Variants in GFOD1 observed in about 807,000 individuals in gnomAD.
GFOD1 encodes the protein Gfo/Idh/MocA-like oxidoreductase domain containing 1.
Under a neutral mutation model 25.4 loss-of-function variants are expected in GFOD1, and 9 were observed. The ratio of observed to expected loss-of-function variants is 0.35; its 90% CI spans 0.21 to 0.62. The LOEUF is 0.62. Ranked by LOEUF, GFOD1 falls within the 20% of genes least tolerant of loss-of-function variation. The pLI is 0.72. For synonymous variants in GFOD1, 253 were observed against 245.6 expected, an observed-to-expected ratio of 1.03 and a Z score of -0.28; for missense variants, 403 against 556.9, an observed-to-expected ratio of 0.72 and a Z score of 2.78.
chr6:13,389,096 T>C (rs1562201778), intron 1 of GFOD1, among the ~76,000 whole-genome samples: 1 of 152,164 alleles, frequency 6.6e-6, no homozygotes, highest in Non-Finnish European at 1.5e-5. Context: ...ATGGCGATCA[T>C]TAAAAAGTCA....
At chr6:13,480,541 G>A (rs1045680187) in intron 1 of GFOD1, among the ~76,000 whole-genome samples, 2 of 152,122 alleles carry the variant, frequency 1.3e-5, no homozygotes, top group East Asian at 1.9e-4. Context: ...TTGAGGCAGG[G>A]TCTCACTCTG....
Position 13,400,512 on chromosome 6 carries a change from T to A in GFOD1, c.254-34850A>T, listed in dbSNP as rs547331622. Reference sequence around the variant, plus strand: ...TTAGCAGGGATCAGGAAAATGCTGATACAAGACCAGGTAGAACCTCCGTTT... The same window carrying A: ...TTAGCAGGGATCAGGAAAATGCTGAAACAAGACCAGGTAGAACCTCCGTTT... On this transcript the variant is annotated intron_variant, in intron 1 of 1. Transcript: ENST00000379287. Among the ~76,000 whole-genome samples, 13 of 152,352 alleles carry A rather than the reference T, an allele frequency of 8.5e-5. No homozygotes were observed. In the South Asian group the frequency reaches 2.1e-3, roughly 24 times the overall value.
At chr6:13,485,325 A>G (rs548482223) in intron 1 of GFOD1, among the ~76,000 whole-genome samples, 1 of 152,354 alleles carries the variant, frequency 6.6e-6, no homozygotes, top group African/African-American at 2.4e-5. Flanking sequence ...CTGAATCCAT[A>G]CCTATTTTTA....
rs1403964058 is a variant in GFOD1 at position 13,358,099 on chromosome 6, G to C, written c.*6644C>G. The C allele has an allele frequency of 6.6e-6, 1 of 152,280 alleles. No homozygotes were observed. Among genetic ancestry groups the C allele is most frequent in the East Asian group, 1.9e-4 (1 of 5,184 alleles). 9.4% of individuals were successfully genotyped at this position (152,280 alleles called of 1,614,324 possible). A position where few individuals can be genotyped will look rare whatever the true frequency, so the allele number is the denominator to read the frequency against. On this transcript the variant is annotated 3_prime_UTR_variant, in exon 2 of 2. Coordinates refer to ENST00000379287, the MANE Select transcript of GFOD1 (RefSeq NM_018988.4). ...TTTGGCCTTAAAAACACTAAGAACA[G>C]TTGCATTCATTGTCTTTTTTTTTCT... is the stretch of plus-strand genomic sequence containing the variant.
chr6:13,474,928 A>G (rs1474312886), intron 1 of GFOD1, among the ~76,000 whole-genome samples: 2 of 152,198 alleles, frequency 1.3e-5, no homozygotes, highest in African/African-American at 4.8e-5. Context: ...AATACTTGGC[A>G]AAACTAATTT....
At chr6:13,367,582 C>G (rs1006842035) in intron 1 of GFOD1, among the ~76,000 whole-genome samples, 2 of 151,964 alleles carry the variant, frequency 1.3e-5, no homozygotes, top group Non-Finnish European at 2.9e-5. Context: ...ACACAGAGAC[C>G]AAAATGCCTC....
intron 1 of GFOD1, among the ~76,000 whole-genome samples, chr6:13,379,330 G>A (rs1430025357): frequency 6.6e-6 from 1 of 152,186 alleles, no homozygotes; most frequent in Non-Finnish European, 1.5e-5. Flanking sequence ...AGGCACGCCA[G>A]CTGTTTGCTT....
intron 1 of GFOD1, among the ~76,000 whole-genome samples, chr6:13,438,465 A>C (rs1190189543): frequency 6.6e-6 from 1 of 152,184 alleles, no homozygotes; most frequent in East Asian, 1.9e-4. Context: ...CCTCACAGAA[A>C]ATTCAGTACC....
intron 1 of GFOD1, among the ~76,000 whole-genome samples, chr6:13,379,196 G>T (rs1785312125): frequency 6.6e-6 from 1 of 152,162 alleles, no homozygotes; most frequent in Admixed American, 6.5e-5. Context: ...TTGTGTGTTT[G>T]GGGGAGGAAA....
chr6:13,420,347 C>A (rs114944074), intron 1 of GFOD1, among the ~76,000 whole-genome samples: 1 of 152,186 alleles, frequency 6.6e-6, no homozygotes, highest in African/African-American at 2.4e-5. Flanking sequence ...GAACAGCAGT[C>A]GAATTCTGGC....
chr6:13,397,102 C>G (rs915625560), intron 1 of GFOD1, among the ~76,000 whole-genome samples: 7 of 152,096 alleles, frequency 4.6e-5, no homozygotes, highest in Admixed American at 4.6e-4. Context: ...CAAGAGCACC[C>G]AGAACCTTTG....
intron 1 of GFOD1, among the ~76,000 whole-genome samples, chr6:13,434,768 A>C (rs1476096950): frequency 6.6e-6 from 1 of 152,358 alleles, no homozygotes; most frequent in Middle Eastern, 3.4e-3. Context: ...GAAGACAGTA[A>C]ATAGAAGCAT....
At chr6:13,444,489 T>C (rs1381974351) in intron 1 of GFOD1, among the ~76,000 whole-genome samples, 1 of 151,812 alleles carries the variant, frequency 6.6e-6, no homozygotes, top group Non-Finnish European at 1.5e-5. Flanking sequence ...CTAACAAATA[T>C]ACACATGCTC....
chr6:13,401,926 G>T (rs1562206883), intron 1 of GFOD1, among the ~76,000 whole-genome samples: 2 of 152,292 alleles, frequency 1.3e-5, no homozygotes, highest in South Asian at 4.1e-4. Context: ...AGCACTTCAT[G>T]ATTTCAAAAC....
At chr6:13,380,640 C>T (rs1468158619) in intron 1 of GFOD1, among the ~76,000 whole-genome samples, 1 of 152,060 alleles carries the variant, frequency 6.6e-6, no homozygotes, top group Non-Finnish European at 1.5e-5. Flanking sequence ...TAGAGGTTGC[C>T]TGAGCACTTA....
intron 1 of GFOD1, among the ~76,000 whole-genome samples, chr6:13,477,215 G>GT (rs772781291): frequency 0.79 from 110,914 of 139,774 alleles, 42,727 homozygotes; most frequent in East Asian, 0.89. Flanking sequence ...AACCAATAGG[G>GT]GGTGTGTGTG....
chr6:13,472,414 G>C (rs1208108925), intron 1 of GFOD1, among the ~76,000 whole-genome samples: 2 of 152,194 alleles, frequency 1.3e-5, no homozygotes, highest in Admixed American at 1.3e-4. Flanking sequence ...ATGGACCGTA[G>C]TTCACCATAA....
At chr6:13,373,317 C>A (rs1458694296) in intron 1 of GFOD1, among the ~76,000 whole-genome samples, 1 of 152,114 alleles carries the variant, frequency 6.6e-6, no homozygotes, top group East Asian at 1.9e-4. Flanking sequence ...CTTGCCTATT[C>A]ATCATTCAGA....
At chr6:13,381,581 C>T (rs1039117759) in intron 1 of GFOD1, among the ~76,000 whole-genome samples, 3 of 152,212 alleles carry the variant, frequency 2.0e-5, no homozygotes, top group Admixed American at 6.5e-5. Flanking sequence ...TGGAACAAGT[C>T]TGGCCTGGGG....
Sources: gnomAD v4.1 joint callset for allele counts (sites outside exome capture counted in the v4.1 genomes callset) on GRCh38, gnomAD v4.1.1 for gene constraint, MANE v1.5 for transcripts, NCBI Gene and HGNC (gene_info 2026-07-23, HGNC 2026-07-21) for gene names.